The following LEPROT variants were observed in gnomAD, a reference collection of about 807,000 sequenced individuals.
The protein encoded by LEPROT is leptin receptor overlapping transcript.
In LEPROT, 3 loss-of-function variants were observed where a neutral mutation model predicts 15.4. That is an observed-to-expected ratio of 0.19 (90% CI 0.09 to 0.50). The LOEUF (loss-of-function observed/expected upper bound fraction) is 0.50, where lower values mean the gene tolerates loss of function less well. Among genes scored for constraint, LEPROT ranks in the 20% least tolerant of loss-of-function variants. The probability of loss-of-function intolerance (pLI) is 0.97; values close to 1 mark genes in which losing one functional copy is unlikely to be tolerated. For missense variants in LEPROT, 137 were observed against 162.2 expected (o/e 0.84, Z 0.84); for synonymous variants, 59 against 57.5 (o/e 1.03, Z -0.12).
In LEPROT at chr1:65,435,827, TC is replaced by T. The variant is rs1646555297; in HGVS notation, c.*3909del. The T allele has an allele frequency of 1.0e-6, 1 of 983,016 alleles. No individual in the cohort carries two copies. The highest frequency in any genetic ancestry group is 1.7e-5 in the African/African-American group (1 of 57,180). The allele number at this position is 983,016 out of a possible 1,614,324, so 60.9% of individuals were successfully genotyped here. A position where few individuals can be genotyped will look rare whatever the true frequency, so the allele number is the denominator to read the frequency against. On this transcript the variant is annotated 3_prime_UTR_variant, in exon 4 of 4. Coordinates refer to ENST00000371065, the MANE Select transcript of LEPROT (RefSeq NM_017526.5). ...TATTAGTTGTGCATTTTAATTTAAT[TC>T]TCCTTTTTCCATTTTGTCTCATGAA...
Position 65,429,862 on chromosome 1 carries a change from C to A in LEPROT, c.93C>A (p.Gly31=). ...LMLGCALEDY[G]VYWPLFVLIF... is the part of the protein sequence containing the mutation. Reference sequence around the variant, plus strand: ...GATTTTGCCTGGGTCCAACTGACAGCGTTTACTGGCCCTTATTCGTCCTGA... The same window carrying A: ...GATTTTGCCTGGGTCCAACTGACAGAGTTTACTGGCCCTTATTCGTCCTGA... The change falls in exon 3 of 4, where the codon GGC becomes GGA. Residue 31 remains glycine (G), a splice_region_variant and synonymous_variant. Transcript: ENST00000371065. 6.8e-7 allele frequency: 1 copy of A among 1,465,734 alleles called. No homozygotes were observed. Among genetic ancestry groups the A allele is most frequent in the Non-Finnish European group, 9.2e-7 (1 of 1,091,092 alleles). 90.8% of individuals were successfully genotyped at this position (1,465,734 alleles called of 1,614,324 possible). A position where few individuals can be genotyped will look rare whatever the true frequency, so the allele number is the denominator to read the frequency against.
At chr1:65,426,311 C>T (rs1400100989) in intron 2 of LEPROT, among the ~76,000 whole-genome samples, 1 of 140,682 alleles carries the variant, frequency 7.1e-6, no homozygotes, top group African/African-American at 3.2e-5. Context: ...AGTGGAGTGG[C>T]AAAAGAAGGG....
chr1:65,425,909 C>T (rs1459196519), intron 2 of LEPROT, among the ~76,000 whole-genome samples: 1 of 152,086 alleles, frequency 6.6e-6, no homozygotes, highest in African/African-American at 2.4e-5. Context: ...TTCATTCAAC[C>T]ATTGTTGGTT....
chr1:65,435,830 C>T lies in LEPROT; in HGVS notation c.*3911C>T. 4 of 982,900 alleles carry T rather than the reference C, an allele frequency of 4.1e-6. No homozygotes were observed. Among genetic ancestry groups the T allele is most frequent in the Middle Eastern group, 5.2e-4 (1 of 1,912 alleles). 60.9% of individuals were successfully genotyped at this position (982,900 alleles called of 1,614,324 possible). ...TAGTTGTGCATTTTAATTTAATTCT[C>T]CTTTTTCCATTTTGTCTCATGAAGT... On this transcript the variant is annotated 3_prime_UTR_variant, in exon 4 of 4. Coordinates refer to ENST00000371065, the MANE Select transcript of LEPROT (RefSeq NM_017526.5).
At chr1:65,427,761 T>G (rs1319235797) in intron 2 of LEPROT, 2 of 403,520 alleles carry the variant, frequency 5.0e-6, no homozygotes, top group Non-Finnish European at 9.9e-6. Flanking sequence ...TCTATCTTTA[T>G]TTTAATTTTT....
rs1389989857 is a variant in LEPROT at position 65,433,671 on chromosome 1, A to G, written c.*1752A>G. ...TATGTTTTCAGTGTCCTGTGTACATATAGAATTGTTAAAGTTGTCATTTCC... is the reference window on the plus strand; with the variant it reads ...TATGTTTTCAGTGTCCTGTGTACATGTAGAATTGTTAAAGTTGTCATTTCC... On this transcript the variant is annotated 3_prime_UTR_variant, in exon 4 of 4. Transcript: ENST00000371065. 2 of 984,274 alleles carry G rather than the reference A, an allele frequency of 2.0e-6. No homozygotes were observed. The highest frequency in any genetic ancestry group is 3.5e-5 in the African/African-American group (2 of 57,312). 61.0% of individuals were successfully genotyped at this position (984,274 alleles called of 1,614,324 possible). A position where few individuals can be genotyped will look rare whatever the true frequency, so the allele number is the denominator to read the frequency against.
intron 2 of LEPROT, among the ~76,000 whole-genome samples, chr1:65,427,368 G>A (rs530915871): frequency 1.3e-5 from 2 of 152,238 alleles, no homozygotes; most frequent in Admixed American, 6.5e-5. Context: ...GAAGCCAGGA[G>A]TTTGAGACCA....
intron 2 of LEPROT, chr1:65,427,636 G>A (rs548532707): frequency 3.0e-4 from 52 of 175,594 alleles, no homozygotes; most frequent in African/African-American, 1.2e-3. Flanking sequence ...TTGACCAAAC[G>A]TTTTTCCACT....
At chr1:65,431,306 A>T (rs1646480389) in intron 3 of LEPROT, among the ~76,000 whole-genome samples, 1 of 152,178 alleles carries the variant, frequency 6.6e-6, no homozygotes, top group Non-Finnish European at 1.5e-5. Context: ...GGGTACTCTC[A>T]CCCCCAAATG....
chr1:65,421,262 C>T (rs1455143171), intron 1 of LEPROT: 1 of 1,447,270 alleles, frequency 6.9e-7, no homozygotes, highest in Non-Finnish European at 9.1e-7. Context: ...TTCTCGCAGT[C>T]GTGGAGAGTA....
intron 1 of LEPROT, chr1:65,421,217 C>T (rs1646243238): frequency 8.8e-7 from 1 of 1,136,504 alleles, no homozygotes; most frequent in Non-Finnish European, 1.2e-6. Flanking sequence ...TGACCGCGGG[C>T]GGGTGTCAAT....
Position 65,434,488 on chromosome 1 carries a change from A to G in LEPROT, c.*2569A>G, listed in dbSNP as rs139480138. 8.6e-4 allele frequency: 852 copies of G among 985,272 alleles called. 6 individuals carry two copies. In the African/African-American group the frequency reaches 0.014, roughly 16 times the overall value. 61.0% of individuals were successfully genotyped at this position (985,272 alleles called of 1,614,324 possible). Reference sequence around the variant, plus strand: ...CAAGCAGACTTTGAGACACTTTTCCACAGAAACAATACTATGAATTGGTGA... The same window carrying G: ...CAAGCAGACTTTGAGACACTTTTCCGCAGAAACAATACTATGAATTGGTGA... On this transcript the variant is annotated 3_prime_UTR_variant, in exon 4 of 4. Coordinates refer to ENST00000371065, the MANE Select transcript of LEPROT (RefSeq NM_017526.5).
At chr1:65,429,748 A>G (rs1297371761) in intron 2 of LEPROT, 114 bp from the exon 3 acceptor site, 4 of 896,616 alleles carry the variant, frequency 4.5e-6, no homozygotes. Flanking sequence ...ACAATTAATT[A>G]ATTTTTTGAC....
In LEPROT at chr1:65,432,146, C is replaced by T; in HGVS notation, c.*227C>T. The T allele has an allele frequency of 8.3e-7, 1 of 1,208,786 alleles. No individual in the cohort carries two copies. The highest frequency in any genetic ancestry group is 1.0e-6 in the Non-Finnish European group (1 of 969,432). The allele number at this position is 1,208,786 out of a possible 1,614,324, so 74.9% of individuals were successfully genotyped here. On this transcript the variant is annotated 3_prime_UTR_variant, in exon 4 of 4. Transcript: ENST00000371065. ...TACTCAAATTATGTTACTTGTTTGG[C>T]TGTTCATGTAGTCACGGTGCTCTCA... is the stretch of plus-strand genomic sequence containing the variant.
In LEPROT at chr1:65,430,043, G is replaced by T. The variant is rs1646456411; in HGVS notation, c.274G>T (p.Ala92Ser). Residue 92 changes from alanine (A) to serine (S), a missense_variant, in exon 3 of 4, where the codon GCT (alanine) becomes TCT (serine). By Grantham distance (99) the Ala-to-Ser change is moderately conservative (BLOSUM62 1). Transcript: ENST00000371065. ...ATTTCCTGTTATTCTTGCTCGTGTG[G>T]CTGTGGTAAGTTTTATTTTCTATTG... ...FGFPVILARV[A>S]VIKWGACGLV... 6.4e-7 allele frequency: 1 copy of T among 1,553,694 alleles called. No homozygotes were observed. Among genetic ancestry groups the T allele is most frequent in the South Asian group, 1.2e-5 (1 of 85,036 alleles).
At chr1:65,427,347 G>C (rs1646399081) in intron 2 of LEPROT, among the ~76,000 whole-genome samples, 1 of 152,182 alleles carries the variant, frequency 6.6e-6, no homozygotes, top group East Asian at 1.9e-4. Flanking sequence ...GCAACGGTAG[G>C]AGGATTGCTT....
In LEPROT at chr1:65,425,364, C is replaced by T; in HGVS notation, c.78C>T (p.Ala26=). ...IGLTFLMLGC[A]LEDYGVYWPL... ...TGACTTTTCTTATGCTGGGATGTGC[C>T]TTAGAGGATTATGGGTAAGTTATCA... The change falls in exon 2 of 4, where the codon GCC becomes GCT. Residue 26 remains alanine (A), a synonymous_variant. Transcript: ENST00000371065. 6.2e-7 allele frequency: 1 copy of T among 1,602,710 alleles called. No individual in the cohort carries two copies. Among genetic ancestry groups the T allele is most frequent in the Non-Finnish European group, 8.5e-7 (1 of 1,177,178 alleles).
chr1:65,421,205 G>T, intron 1 of LEPROT: 1 of 1,038,464 alleles, frequency 9.6e-7, no homozygotes, highest in Non-Finnish European at 1.3e-6. Flanking sequence ...ACTGGGCAGA[G>T]TTGACCGCGG....
intron 3 of LEPROT, among the ~76,000 whole-genome samples, chr1:65,431,243 A>G (rs990924827): frequency 3.3e-5 from 5 of 152,192 alleles, no homozygotes; most frequent in African/African-American, 1.2e-4. Context: ...TTTGTGAAGA[A>G]ACTTTCATTG....
Sources: allele counts gnomAD v4.1 joint callset (sites outside exome capture counted in the v4.1 genomes callset), GRCh38; gene constraint gnomAD v4.1.1; transcripts MANE v1.5; gene names NCBI Gene and HGNC (gene_info 2026-07-23, HGNC 2026-07-21).